The following EIF4G3 variants were observed in gnomAD, a reference collection of about 807,000 sequenced individuals.
EIF4G3 encodes the protein eukaryotic translation initiation factor 4 gamma 3.
Under a neutral mutation model 186.4 loss-of-function variants are expected in EIF4G3, and 34 were observed. That is an observed-to-expected ratio of 0.18 (90% CI 0.14 to 0.24). EIF4G3 has a LOEUF of 0.24. EIF4G3 is among the 10% of genes least tolerant of loss of function. The probability of loss-of-function intolerance (pLI) is 1.00; values close to 1 mark genes in which losing one functional copy is unlikely to be tolerated. For missense variants in EIF4G3, 1,536 were observed against 1,948.5 expected, an observed-to-expected ratio of 0.79 and a Z score of 3.99; for synonymous variants, 673 against 679.5, an observed-to-expected ratio of 0.99 and a Z score of 0.15.
intron 4 of EIF4G3, among the ~76,000 whole-genome samples, chr1:21,007,835 A>C (rs1038025877): frequency 6.6e-6 from 1 of 152,194 alleles, no homozygotes; most frequent in African/African-American, 2.4e-5. Context: ...TGACTACTTC[A>C]GAGACGGTTA....
Position 20,893,287 on chromosome 1 carries a change from G to GA in EIF4G3, c.2253+229dup, listed in dbSNP as rs367854797. The GA allele has an allele frequency of 6.3e-3, 2,135 of 340,414 alleles. 2 individuals are homozygous for GA. Among genetic ancestry groups the GA allele is most frequent in the African/African-American group, 9.2e-3 (422 of 45,750 alleles). 21.1% of individuals were successfully genotyped at this position (340,414 alleles called of 1,614,324 possible). A position where few individuals can be genotyped will look rare whatever the true frequency, so the allele number is the denominator to read the frequency against. On this transcript the variant is annotated intron_variant, in intron 18 of 36. Coordinates refer to ENST00000602326, the MANE Select transcript of EIF4G3 (RefSeq NM_001391906.1). ...AGGTCACCTCAATTGAAAAAATAGG[G>GA]AAAAAAAAAATCAAGACCAAATTAA...
At chr1:21,115,912 A>C (rs1466965025) in intron 2 of EIF4G3, among the ~76,000 whole-genome samples, 2 of 152,014 alleles carry the variant, frequency 1.3e-5, no homozygotes, top group East Asian at 3.9e-4. Flanking sequence ...TTGTAGAGAC[A>C]GGAGTCTCAT....
chr1:21,073,282 T>C (rs1391729703), intron 3 of EIF4G3, among the ~76,000 whole-genome samples: 1 of 152,256 alleles, frequency 6.6e-6, no homozygotes, highest in Non-Finnish European at 1.5e-5. Flanking sequence ...ACCTAGATTT[T>C]GTCAGCCTCT....
intron 3 of EIF4G3, among the ~76,000 whole-genome samples, chr1:21,052,219 T>C (rs2094261022): frequency 6.6e-6 from 1 of 152,204 alleles, no homozygotes; most frequent in Admixed American, 6.5e-5. Flanking sequence ...GAAACCACTT[T>C]ACTCAGACCC....
intron 12 of EIF4G3, among the ~76,000 whole-genome samples, chr1:20,965,894 G>A (rs2074544465): frequency 6.6e-6 from 1 of 152,150 alleles, no homozygotes; most frequent in Non-Finnish European, 1.5e-5. Flanking sequence ...AGAAAGCAAT[G>A]CTCTGGGATA....
At chr1:21,061,722 A>G (rs1482759103) in intron 3 of EIF4G3, among the ~76,000 whole-genome samples, 1 of 149,594 alleles carries the variant, frequency 6.7e-6, no homozygotes, top group East Asian at 2.0e-4. Flanking sequence ...TGTAATCAAT[A>G]TGGTTTATTT....
intron 29 of EIF4G3, chr1:20,841,233 C>T (rs1571432996): frequency 2.4e-6 from 1 of 412,746 alleles, no homozygotes; most frequent in Admixed American, 4.3e-5. Context: ...AAAAGTCATA[C>T]AAAAAAAGAG....
chr1:21,053,700 G>A (rs1192378078), intron 3 of EIF4G3, among the ~76,000 whole-genome samples: 13 of 132,790 alleles, frequency 9.8e-5, no homozygotes, highest in East Asian at 9.3e-4. Context: ...CCAGCCAGCC[G>A]CCCCGTCCGG....
At chr1:21,073,679 G>A (rs2095506391) in intron 3 of EIF4G3, 2 of 516,872 alleles carry the variant, frequency 3.9e-6, no homozygotes, top group Admixed American at 1.9e-5. Flanking sequence ...TATAAAGGTC[G>A]ACAATTCTAT....
rs778434095 is a variant in EIF4G3, at chr1:20,851,463, G to A, written c.3567C>T (p.Gly1189=). Residue 1189 remains glycine, a synonymous_variant, in exon 28 of 37, where the codon GGC becomes GGT. Coordinates refer to ENST00000602326, the MANE Select transcript of EIF4G3 (RefSeq NM_001391906.1). The stretch of plus-strand genomic sequence containing the variant: ...GAAGGGGCTTGTCATTCTTCTCCCT[G>A]CCCATACTTCCACGACTTAAAAGAC... ...RRTLTSRGSM[G]REKNDKPLPS... 4 of 1,614,000 alleles carry A rather than the reference G, an allele frequency of 2.5e-6. No homozygotes were observed. Among genetic ancestry groups the A allele is most frequent in the South Asian group, 1.1e-5 (1 of 91,082 alleles).
At position 20,806,594 on chromosome 1, in the gene EIF4G3, G is replaced by A. The variant is rs937380111; in HGVS notation, c.*725C>T. The A allele has an allele frequency of 7.9e-5, 12 of 151,334 alleles. No homozygotes were observed. The highest frequency in any genetic ancestry group is 1.3e-4 in the Admixed American group (2 of 15,168). 9.4% of individuals were successfully genotyped at this position (151,334 alleles called of 1,614,324 possible). A position where few individuals can be genotyped will look rare whatever the true frequency, so the allele number is the denominator to read the frequency against. On this transcript the variant is annotated 3_prime_UTR_variant, in exon 37 of 37. Coordinates refer to ENST00000602326, the MANE Select transcript of EIF4G3 (RefSeq NM_001391906.1). ...AAATATTTGTTCTATGTATTTACAA[G>A]CCTTAAAGTTGCTCTAAAGATTTCA...
chr1:20,956,910 T>G (rs1466547253), intron 12 of EIF4G3, among the ~76,000 whole-genome samples: 3 of 152,196 alleles, frequency 2.0e-5, no homozygotes, highest in African/African-American at 7.2e-5. Context: ...AGCCCTGAAA[T>G]AGTTTATAAC....
chr1:21,055,324 T>C (rs2094512130), intron 3 of EIF4G3, among the ~76,000 whole-genome samples: 1 of 152,118 alleles, frequency 6.6e-6, no homozygotes, highest in South Asian at 2.1e-4. Context: ...GCAAAGAAGT[T>C]AACTATATAA....
At chr1:20,814,750 T>TCCCTCTCCCC (rs1557737589) in intron 34 of EIF4G3, among the ~76,000 whole-genome samples, 1 of 20,500 alleles carries the variant, frequency 4.9e-5, no homozygotes, top group Non-Finnish European at 1.1e-4. Flanking sequence ...AAAATTCATC[T>TCCCTCTCCCC]CCCCCTCCCC....
At position 20,812,910 on chromosome 1, in the gene EIF4G3, A is replaced by G. The variant is rs1027695624; in HGVS notation, c.4597+248T>C. On this transcript the variant is annotated intron_variant, in intron 35 of 36. Coordinates refer to ENST00000602326, the MANE Select transcript of EIF4G3 (RefSeq NM_001391906.1). ...ATAAAGAAAAAGCTACACGCAACGT[A>G]GTGAAAAACAACCCAAGGAGCATGC... 1.2e-4 allele frequency among the ~76,000 whole-genome samples: 18 copies of G among 152,342 alleles called. No individual in the cohort carries two copies. The South Asian group carries it at 1.2e-3, about 11-fold the overall frequency.
intron 2 of EIF4G3, among the ~76,000 whole-genome samples, chr1:21,108,902 CAAAAAAAAAA>C (rs767728797): frequency 6.0e-5 from 2 of 33,218 alleles, no homozygotes; most frequent in Non-Finnish European, 1.3e-4. Context: ...GACTCCATCT[CAAAAAAAAAA>C]AAAAAAAAAA....
chr1:21,099,178 G>A (rs2096460146), intron 2 of EIF4G3, among the ~76,000 whole-genome samples: 1 of 152,140 alleles, frequency 6.6e-6, no homozygotes, highest in South Asian at 2.1e-4. Context: ...AGTGCAAAAT[G>A]GTATAGTCAC....
intron 2 of EIF4G3, among the ~76,000 whole-genome samples, chr1:21,107,078 AAAT>A (rs1234234855): frequency 2.0e-5 from 3 of 152,246 alleles, no homozygotes; most frequent in Non-Finnish European, 4.4e-5. Context: ...CCTGGAACAG[AAAT>A]AATATATTCA....
At chr1:21,075,234 C>T (rs1572129832) in intron 3 of EIF4G3, among the ~76,000 whole-genome samples, 1 of 151,880 alleles carries the variant, frequency 6.6e-6, no homozygotes, top group Non-Finnish European at 1.5e-5. Context: ...GATTAAAAAA[C>T]ATTACACACC....
Sources: allele counts gnomAD v4.1 joint callset (sites outside exome capture counted in the v4.1 genomes callset), GRCh38; gene constraint gnomAD v4.1.1; transcripts MANE v1.5; gene names NCBI Gene and HGNC (gene_info 2026-07-23, HGNC 2026-07-21).